Variants in B4GALNT3 observed in about 807,000 individuals in gnomAD.
B4GALNT3 encodes the protein beta-1,4-N-acetylgalactosaminyltransferase 3.
B4GALNT3 carries 86 observed loss-of-function variants against 120.2 expected under a neutral mutation model. The observed-to-expected ratio is 0.72, with a 90% CI of 0.60 to 0.86. B4GALNT3 has a LOEUF of 0.86. B4GALNT3 is among the 40% of genes least tolerant of loss of function. The pLI is 0.00. For missense variants in B4GALNT3, 1,167 were observed against 1,298.9 expected (o/e 0.90, Z 1.56); for synonymous variants, 518 against 510.4 (o/e 1.01, Z -0.20).
chr12:529,607 G>A (rs367773165), intron 1 of B4GALNT3, among the ~76,000 whole-genome samples: 8 of 152,338 alleles, frequency 5.3e-5, no homozygotes, highest in South Asian at 2.1e-4. Context: ...GTGTGTGCAC[G>A]TGGCACATTA....
chr12:548,004 C>T lies in B4GALNT3; in HGVS notation c.708-20C>T. 1 of 1,611,580 alleles carries T rather than the reference C, an allele frequency of 6.2e-7. No individual in the cohort carries two copies. The highest frequency in any genetic ancestry group is 8.5e-7 in the Non-Finnish European group (1 of 1,178,168). ...GCCCATGGAGATGGCGCTCTGCTTCCCTGCCCTCTCTCCCGCCAGCCTGTC... is the reference window on the plus strand; with the variant it reads ...GCCCATGGAGATGGCGCTCTGCTTCTCTGCCCTCTCTCCCGCCAGCCTGTC... On this transcript the variant is annotated intron_variant, in intron 7 of 19. Transcript: ENST00000266383. The surrounding 1 kb of genome is among the most constrained non-coding windows in gnomAD (Gnocchi z 4.9).
chr12:552,180 G>A lies in B4GALNT3; in HGVS notation c.1208+17G>A. The stretch of plus-strand genomic sequence containing the variant: ...CCAAGACCGGTGAGAGACACTGAGT[G>A]GGGCAGGAAGGTGACCTTGCAGAGG... On this transcript the variant is annotated intron_variant, in intron 12 of 19. Transcript: ENST00000266383. 2 of 1,577,636 alleles carry A rather than the reference G, an allele frequency of 1.3e-6. No homozygotes were observed. The highest frequency in any genetic ancestry group is 1.7e-6 in the Non-Finnish European group (2 of 1,146,988).
chr12:511,248 GCCTTCTGCCTTCCGCCTTCCA>G (rs1946547426), intron 1 of B4GALNT3, among the ~76,000 whole-genome samples: 2 of 121,898 alleles, frequency 1.6e-5, no homozygotes, highest in African/African-American at 3.3e-5. Flanking sequence ...TCCACCTTCC[GCCTTCTGCCTTCCGCCTTCCA>G]CCTTCGACCT....
rs756825739 is a variant in B4GALNT3 at position 559,373 on chromosome 12, A to G, written c.2840A>G (p.Lys947Arg). The change falls in exon 19 of 20, where the codon AAG becomes AGG. Residue 947 changes from lysine (K) to arginine (R), a missense_variant. This residue lies in a region of B4GALNT3 where 983 missense variants were observed against 1,102.5 expected (regional missense o/e 0.89). Transcript: ENST00000266383. ...GACAGGATTGGGGGCATGAACACCA[A>G]GGAGTTCCGAGACCGCTGGGGCGGG... ...DLDRIGGMNT[K>R]EFRDRWGGED... is the part of the protein sequence containing the mutation. 9 of 1,613,928 alleles carry G rather than the reference A, an allele frequency of 5.6e-6. No individual in the cohort carries two copies. In the South Asian group the frequency reaches 9.9e-5, roughly 18 times the overall value.
intron 1 of B4GALNT3, among the ~76,000 whole-genome samples, chr12:476,653 G>T (rs1946188660): frequency 6.6e-6 from 1 of 152,196 alleles, no homozygotes; most frequent in Admixed American, 6.5e-5. Flanking sequence ...TATGTGCCCA[G>T]AATTGAATGT....
intron 1 of B4GALNT3, among the ~76,000 whole-genome samples, chr12:493,592 G>T (rs913508466): frequency 8.1e-5 from 12 of 147,242 alleles, no homozygotes; most frequent in Non-Finnish European, 1.7e-4. Flanking sequence ...AAATATAATG[G>T]TTTTTTTTTT....
chr12:554,274 C>T lies in B4GALNT3; in HGVS notation c.2060+291C>T, dbSNP rs186499748. Reference sequence around the variant, plus strand: ...AAGGACTCAGTAGATGAGGTCCCCTCCTCCGAGGAAAGAGCTAGTAAATAG... The same window carrying T: ...AAGGACTCAGTAGATGAGGTCCCCTTCTCCGAGGAAAGAGCTAGTAAATAG... On this transcript the variant is annotated intron_variant, in intron 14 of 19. Transcript: ENST00000266383. Among the ~76,000 whole-genome samples, 170 of 152,322 alleles carry T rather than the reference C, an allele frequency of 1.1e-3. 1 individual carries two copies. Among genetic ancestry groups the T allele is most frequent in the Middle Eastern group, 3.4e-3 (1 of 294 alleles).
chr12:471,958 T>G (rs1946141625), intron 1 of B4GALNT3, among the ~76,000 whole-genome samples: 1 of 152,216 alleles, frequency 6.6e-6, no homozygotes, highest in Admixed American at 6.5e-5. Flanking sequence ...TCTAGCATTT[T>G]TAATATTTTG....
chr12:485,153 A>C (rs1946279633), intron 1 of B4GALNT3, among the ~76,000 whole-genome samples: 1 of 152,148 alleles, frequency 6.6e-6, no homozygotes, highest in African/African-American at 2.4e-5. Context: ...TATGATGCAG[A>C]GGACTTAGAT....
intron 1 of B4GALNT3, among the ~76,000 whole-genome samples, chr12:479,124 C>G (rs2120464041): frequency 6.6e-6 from 1 of 152,296 alleles, no homozygotes; most frequent in African/African-American, 2.4e-5. Flanking sequence ...AGTTCAGAAG[C>G]TCAGCAGGCC....
At chr12:552,780 G>T (rs1947100305) in intron 13 of B4GALNT3, 2 of 545,622 alleles carry the variant, frequency 3.7e-6, no homozygotes, top group Non-Finnish European at 3.3e-6. Flanking sequence ...GCCCGGGGGA[G>T]GTTACTTGGA....
chr12:560,652 A>G (rs1592061390), intron 19 of B4GALNT3, among the ~76,000 whole-genome samples: 2 of 152,216 alleles, frequency 1.3e-5, no homozygotes, highest in Admixed American at 6.5e-5. Flanking sequence ...AGGAGCCCCC[A>G]GGGCAGCTGG....
At chr12:491,758 C>T (rs984184196) in intron 1 of B4GALNT3, among the ~76,000 whole-genome samples, 3 of 151,980 alleles carry the variant, frequency 2.0e-5, no homozygotes, top group Non-Finnish European at 4.4e-5. Context: ...CCATTGAAAT[C>T]AGGAACAAGG....
intron 7 of B4GALNT3, 184 bp downstream of exon 7, chr12:546,897 G>A: frequency 3.3e-6 from 2 of 612,618 alleles, no homozygotes; most frequent in Admixed American, 5.8e-5. Context: ...TCACAGATGG[G>A]GAAACTGAGG....
chr12:480,583 T>A (rs1946232521), intron 1 of B4GALNT3, among the ~76,000 whole-genome samples: 1 of 151,304 alleles, frequency 6.6e-6, no homozygotes, highest in African/African-American at 2.4e-5. Context: ...AAGACTATGA[T>A]AAGGAGCCCT....
chr12:495,664 T>C (rs1946381536), intron 1 of B4GALNT3, among the ~76,000 whole-genome samples: 2 of 152,168 alleles, frequency 1.3e-5, no homozygotes, highest in Admixed American at 6.5e-5. Flanking sequence ...CTTGCCAAAC[T>C]GCGTGCCTGA....
chr12:546,212 A>G, intron 6 of B4GALNT3, among the ~76,000 whole-genome samples: 1 of 30,108 alleles, frequency 3.3e-5, no homozygotes, highest in Admixed American at 4.5e-4. Flanking sequence ...GAGAGGAGGG[A>G]GGGGGGTGTG....
At chr12:487,162 A>G (rs1255637073) in intron 1 of B4GALNT3, among the ~76,000 whole-genome samples, 3 of 152,224 alleles carry the variant, frequency 2.0e-5, no homozygotes, top group Admixed American at 6.5e-5. Flanking sequence ...AAAAAAGACA[A>G]AAACATAACA....
rs147759135 is a variant in B4GALNT3 at position 549,866 on chromosome 12, G to A, written c.951G>A (p.Pro317=). The change falls in exon 10 of 20, where the codon CCG becomes CCA. Residue 317 remains proline (P), a synonymous_variant. Transcript: ENST00000266383. ...ACGCTCTTCCCAGGGATGAGCAGCC[G>A]CCCGCTGACATGCTTCGGCCTGACC... is the stretch of plus-strand genomic sequence containing the variant. The part of the protein sequence containing the change: ...SSNALPRDEQ[P]PADMLRPDPR... The A allele has an allele frequency of 2.0e-4, 328 of 1,613,538 alleles. No homozygotes were observed. Among genetic ancestry groups the A allele is most frequent in the Middle Eastern group, 3.3e-4 (2 of 6,080 alleles).
Sources: allele counts gnomAD v4.1 joint callset (sites outside exome capture counted in the v4.1 genomes callset), GRCh38; gene constraint gnomAD v4.1.1; regional missense constraint gnomAD v4.1.1; non-coding constraint Gnocchi (gnomAD v3.1); transcripts MANE v1.5; gene names NCBI Gene and HGNC (gene_info 2026-07-23, HGNC 2026-07-21).